The following VSIG1 variants were observed in gnomAD, a reference collection of about 807,000 sequenced individuals.
The protein encoded by VSIG1 is V-set and immunoglobulin domain-containing protein 1.
VSIG1 carries 11 observed loss-of-function variants against 20.1 expected under a neutral mutation model. The observed-to-expected ratio is 0.55, with a 90% CI of 0.34 to 0.91. VSIG1 has a LOEUF of 0.91. VSIG1 is among the 40% of genes least tolerant of loss of function. The pLI, the probability that VSIG1 is intolerant of heterozygous loss-of-function variation, is 0.02. For missense variants in VSIG1, 283 were observed against 298.8 expected (o/e 0.95, Z 0.39); for synonymous variants, 126 against 116.7 (o/e 1.08, Z -0.52).
intron 2 of VSIG1, among the ~76,000 whole-genome samples, chrX:108,058,923 G>GGTGTGT (rs35330502): frequency 4.7e-5 from 5 of 105,696 alleles, no homozygotes; most frequent in African/African-American, 1.0e-4. Context: ...TATACTCAAA[G>GGTGTGT]GTGTGTGTGT....
intron 2 of VSIG1, among the ~76,000 whole-genome samples, chrX:108,066,270 G>A (rs1345326876): frequency 9.0e-6 from 1 of 111,519 alleles, no homozygotes; most frequent in African/African-American, 3.3e-5. Context: ...CACATGGGGA[G>A]AAAGATGGTA....
At chrX:108,042,444 G>A (rs140940807), upstream of VSIG1, among the ~76,000 whole-genome samples, 87 of 111,926 alleles carry the variant, frequency 7.8e-4, 3 homozygotes, top group East Asian at 0.023. Flanking sequence ...CACTGTTACT[G>A]TTTATGCTGT....
chrX:108,051,136 C>T (rs2030776437), intron 1 of VSIG1, among the ~76,000 whole-genome samples: 1 of 111,027 alleles, frequency 9.0e-6, no homozygotes, highest in Non-Finnish European at 1.9e-5. Flanking sequence ...GCCTTCTCCC[C>T]AGGCCTGAGA....
chrX:108,062,079 G>A (rs757651368), intron 2 of VSIG1, among the ~76,000 whole-genome samples: 8 of 110,692 alleles, frequency 7.2e-5, no homozygotes, highest in African/African-American at 2.6e-4. Context: ...GGCTAACATG[G>A]AAATTTGGGG....
At chrX:108,038,120 A>G in the VSIG1 span, among the ~76,000 whole-genome samples, 1 of 111,334 alleles carries the variant, frequency 9.0e-6, no homozygotes, top group African/African-American at 3.3e-5. Context: ...TCCATGATAC[A>G]TATGCAGAAC....
Position 108,076,165 on chromosome X carries a change from T to TAAGGCA in VSIG1, c.780_785dup (p.Ala265_Lys266dup), listed in dbSNP as rs776700482. The TAAGGCA allele has an allele frequency of 2.9e-4, 351 of 1,209,780 alleles. 1 individual carries two copies. The South Asian group carries it at 4.0e-3, about 14-fold the overall frequency. ...TCTCTGTTGTGTGCTTCGCAAGGAA[T>TAAGGCA]AAGGCAAAAGCAAAGGCAAAAGAAA... On this transcript the variant is annotated inframe_insertion, in exon 6 of 7. Coordinates refer to ENST00000217957, the MANE Select transcript of VSIG1 (RefSeq NM_182607.5).
chrX:108,047,885 T>C (rs868205576), intron 1 of VSIG1, among the ~76,000 whole-genome samples: 467 of 46,594 alleles, frequency 0.01, 43 homozygotes, highest in African/African-American at 0.019. Flanking sequence ...TATATATATA[T>C]ACACACATAT....
rs1283592124 is a variant in VSIG1, at chrX:108,075,164, G to A, written c.689-913G>A. Among the ~76,000 whole-genome samples the A allele has an allele frequency of 2.7e-5, 3 of 111,214 alleles. No individual in the cohort carries two copies. In the East Asian group the frequency reaches 8.5e-4, roughly 31 times the overall value. Reference sequence around the variant, plus strand: ...ACATGGTGGGTGTGAGGGGAGTGGTGTAAAAGAGCTCAATCTCCAACTTCT... The same window carrying A: ...ACATGGTGGGTGTGAGGGGAGTGGTATAAAAGAGCTCAATCTCCAACTTCT... On this transcript the variant is annotated intron_variant, in intron 5 of 6. Coordinates refer to ENST00000217957, the MANE Select transcript of VSIG1 (RefSeq NM_182607.5).
intron 1 of VSIG1, among the ~76,000 whole-genome samples, chrX:108,056,015 C>T (rs2030889963): frequency 9.0e-6 from 1 of 111,330 alleles, no homozygotes; most frequent in South Asian, 3.9e-4. Flanking sequence ...TCATTCCAGT[C>T]TCTGCTTCTG....
At chrX:108,047,106 T>C (rs2030597649) in intron 1 of VSIG1, among the ~76,000 whole-genome samples, 1 of 111,684 alleles carries the variant, frequency 9.0e-6, no homozygotes, top group Admixed American at 9.6e-5. Flanking sequence ...CAATGTGCAA[T>C]TTGATGTTCT....
chrX:108,044,019 A>T (rs1369678156), upstream of VSIG1, among the ~76,000 whole-genome samples: 1 of 111,686 alleles, frequency 9.0e-6, no homozygotes, highest in Non-Finnish European at 1.9e-5. Flanking sequence ...ATATTTCACT[A>T]GGGCTGGAAC....
chrX:108,072,369 C>T (rs987072392), intron 3 of VSIG1, among the ~76,000 whole-genome samples: 3 of 110,995 alleles, frequency 2.7e-5, no homozygotes, highest in African/African-American at 9.8e-5. Flanking sequence ...TCTACTGCCT[C>T]ACCCTCCCAA....
At chrX:108,052,530 TGCTTAA>T (rs2030806688) in intron 1 of VSIG1, among the ~76,000 whole-genome samples, 1 of 110,603 alleles carries the variant, frequency 9.0e-6, no homozygotes, top group African/African-American at 3.3e-5. Flanking sequence ...ATGGGAGAAT[TGCTTAA>T]GCCTGGGAGG....
chrX:108,032,337 T>C, the VSIG1 span, among the ~76,000 whole-genome samples: 1 of 112,247 alleles, frequency 8.9e-6, no homozygotes, highest in East Asian at 2.8e-4. Flanking sequence ...CGCTTCTGTA[T>C]CCACCCATCC....
At chrX:108,049,407 T>C (rs762398927) in intron 1 of VSIG1, among the ~76,000 whole-genome samples, 1 of 112,342 alleles carries the variant, frequency 8.9e-6, no homozygotes, top group Non-Finnish European at 1.9e-5. Context: ...TTCATTCTTG[T>C]TTCCCCAGTG....
At chrX:108,072,556 A>G (rs753003795) in intron 3 of VSIG1, 121 bp from the exon 4 acceptor site, 2 of 806,031 alleles carry the variant, frequency 2.5e-6, no homozygotes, top group Admixed American at 3.2e-5. Context: ...CCTGGCCAAG[A>G]ATTTTTTTTA....
rs748390825 is a variant in VSIG1, at chrX:108,067,083, C to G, written c.361C>G (p.Pro121Ala). The G allele has an allele frequency of 8.3e-7, 1 of 1,211,390 alleles. No homozygotes were observed. The highest frequency in any genetic ancestry group is 1.1e-6 in the Non-Finnish European group (1 of 895,336). ...AATTTACATCTGCGATGTTAACAAC[C>G]CCCCAGACTTTCTCGGCCAAAACCA... ...SGIYICDVNN[P>A]PDFLGQNQGI... The change falls in exon 3 of 7, where the codon CCC becomes GCC. Residue 121 changes from proline to alanine, a missense_variant. Physicochemically the swap from Pro to Ala is conservative, Grantham distance 27. Transcript: ENST00000217957.
intron 5 of VSIG1, among the ~76,000 whole-genome samples, chrX:108,075,014 T>G (rs2031322930): frequency 8.9e-6 from 1 of 112,355 alleles, no homozygotes; most frequent in African/African-American, 3.2e-5. Flanking sequence ...GGGAAAATTT[T>G]TGTAAATGTT....
At chrX:108,052,642 C>CA (rs1236400415) in intron 1 of VSIG1, among the ~76,000 whole-genome samples, 2 of 109,632 alleles carry the variant, frequency 1.8e-5, no homozygotes, top group South Asian at 3.8e-4. Context: ...GAACAAAAAA[C>CA]AAAAAAAAGG....
Sources: allele counts gnomAD v4.1 joint callset (sites outside exome capture counted in the v4.1 genomes callset), GRCh38; gene constraint gnomAD v4.1.1; transcripts MANE v1.5; gene names NCBI Gene and HGNC (gene_info 2026-07-23, HGNC 2026-07-21).